Variants in MTPAP observed in about 807,000 individuals in gnomAD.
MTPAP encodes mitochondrial poly(A) polymerase, also known as poly(A) RNA polymerase, mitochondrial.
In MTPAP, 23 loss-of-function variants were observed where a neutral mutation model predicts 48.7. That is an observed-to-expected ratio of 0.47 (90% CI 0.34 to 0.67). The LOEUF (loss-of-function observed/expected upper bound fraction) is 0.67. MTPAP is among the 30% of genes least tolerant of loss of function. The pLI is 0.01. For synonymous variants in MTPAP, 257 were observed against 254.1 expected (o/e 1.01, Z -0.11); for missense variants, 614 against 694.3 (o/e 0.88, Z 1.30).
intron 1 of MTPAP, among the ~76,000 whole-genome samples, chr10:30,346,994 T>C (rs890638382): frequency 7.7e-4 from 117 of 152,316 alleles, no homozygotes; most frequent in Non-Finnish European, 1.5e-3. Context: ...ACTGACCACG[T>C]CAAACCAATT....
chr10:30,322,703 T>A, intron 5 of MTPAP, 86 bp from the exon 6 acceptor site: 1 of 881,608 alleles, frequency 1.1e-6, no homozygotes, highest in Non-Finnish European at 1.8e-6. Context: ...GAAACACATC[T>A]AAATATCCTA....
rs1357308017 is a variant in MTPAP at position 30,312,292 on chromosome 10, T to G, written c.*1317A>C. On this transcript the variant is annotated 3_prime_UTR_variant, in exon 9 of 9. Coordinates refer to ENST00000263063, the MANE Select transcript of MTPAP (RefSeq NM_018109.4). ...AACCAAACTTGGATTGAAAATACAG[T>G]ATTCTCGGCCAGGCATGGTGGCTCA... is the stretch of plus-strand genomic sequence containing the variant. 1 of 151,912 alleles carries G rather than the reference T, an allele frequency of 6.6e-6. No homozygotes were observed. The highest frequency in any genetic ancestry group is 6.6e-5 in the Admixed American group (1 of 15,264). 9.4% of individuals were successfully genotyped at this position (151,912 alleles called of 1,614,324 possible). A position where few individuals can be genotyped will look rare whatever the true frequency, so the allele number is the denominator to read the frequency against.
chr10:30,323,959 T>C (rs754224531), intron 5 of MTPAP, among the ~76,000 whole-genome samples: 10 of 152,180 alleles, frequency 6.6e-5, no homozygotes, highest in South Asian at 2.1e-4. Context: ...GGTGGGCAGA[T>C]AGCTTGAGCC....
Position 30,316,219 on chromosome 10 carries a change from C to T in MTPAP, c.1220-9G>A, listed in dbSNP as rs1213760811. ...ACATTTATCTTCTGCATCTTAAACA[C>T]AAACAAAAAATATTTCACGTGTTTT... is the stretch of plus-strand genomic sequence containing the variant. On this transcript the variant is annotated splice_polypyrimidine_tract_variant and intron_variant, in intron 6 of 8. Coordinates refer to ENST00000263063, the MANE Select transcript of MTPAP (RefSeq NM_018109.4). 4.4e-6 allele frequency: 7 copies of T among 1,587,922 alleles called. No individual in the cohort carries two copies. Among genetic ancestry groups the T allele is most frequent in the Non-Finnish European group, 6.0e-6 (7 of 1,166,544 alleles).
intron 3 of MTPAP, among the ~76,000 whole-genome samples, chr10:30,339,806 C>T (rs902071321): frequency 6.6e-6 from 1 of 152,084 alleles, no homozygotes; most frequent in Admixed American, 6.5e-5. Flanking sequence ...TTTGTAAATA[C>T]ACCTTGACTA....
intron 4 of MTPAP, among the ~76,000 whole-genome samples, chr10:30,336,597 A>T (rs1168219813): frequency 2.6e-5 from 4 of 152,236 alleles, no homozygotes; most frequent in African/African-American, 9.6e-5. Context: ...TTGCATATCT[A>T]CAGAATATTC....
At chr10:30,338,344 TAACTG>T (rs1660351876) in intron 3 of MTPAP, among the ~76,000 whole-genome samples, 1 of 151,522 alleles carries the variant, frequency 6.6e-6, no homozygotes, top group East Asian at 1.9e-4. Flanking sequence ...TAACGTAACA[TAACTG>T]AACTGAACTG....
At position 30,344,913 on chromosome 10, in the gene MTPAP, C is replaced by T. The variant is rs538134557; in HGVS notation, c.158-3273G>A. Reference sequence around the variant, plus strand: ...GAGAAGGAGTTTCACCATGTTGGTCCGGCTGCTCTTGAACTCCTGACCTCA... The same window carrying T: ...GAGAAGGAGTTTCACCATGTTGGTCTGGCTGCTCTTGAACTCCTGACCTCA... On this transcript the variant is annotated intron_variant, in intron 1 of 8. Transcript: ENST00000263063. 1.5e-3 allele frequency among the ~76,000 whole-genome samples: 229 copies of T among 152,158 alleles called. 3 individuals carry two copies. Among genetic ancestry groups the T allele is most frequent in the Admixed American group, 5.9e-4 (9 of 15,272 alleles).
chr10:30,333,530 T>G (rs1834695573), intron 4 of MTPAP, among the ~76,000 whole-genome samples: 1 of 152,196 alleles, frequency 6.6e-6, no homozygotes. Context: ...TCAGTTACAA[T>G]CCTTTATTTA....
Position 30,313,095 on chromosome 10 carries a change from A to T in MTPAP, c.*514T>A, listed in dbSNP as rs1420418016. 6.1e-6 allele frequency: 1 copy of T among 163,766 alleles called. No homozygotes were observed. The highest frequency in any genetic ancestry group is 2.4e-5 in the African/African-American group (1 of 41,538). The allele number at this position is 163,766 out of a possible 1,614,324, so 10.1% of individuals were successfully genotyped here. A position where few individuals can be genotyped will look rare whatever the true frequency, so the allele number is the denominator to read the frequency against. ...AGCTTAATGTATTCATTGCCAACGT[A>T]CTGTACATAACTAAAAGTCATTTTA... On this transcript the variant is annotated 3_prime_UTR_variant, in exon 9 of 9. Transcript: ENST00000263063.
chr10:30,314,744 T>C lies in MTPAP; in HGVS notation c.1387-773A>G, dbSNP rs141200530. 7.7e-3 allele frequency among the ~76,000 whole-genome samples: 1,164 copies of C among 151,900 alleles called. 12 individuals carry two copies. The highest frequency in any genetic ancestry group is 0.026 in the African/African-American group (1,081 of 41,464). On this transcript the variant is annotated intron_variant, in intron 8 of 8. Coordinates refer to ENST00000263063, the MANE Select transcript of MTPAP (RefSeq NM_018109.4). ...AAAACTAGCCAGGTGTTGTGGCGCA[T>C]GCCTGTAATCCCAGCTACTTAGGAG...
intron 4 of MTPAP, among the ~76,000 whole-genome samples, chr10:30,327,612 GA>G (rs1182743645): frequency 6.6e-6 from 1 of 151,648 alleles, no homozygotes. Context: ...TTGGGAGGCA[GA>G]AACAGGCAGA....
intron 1 of MTPAP, among the ~76,000 whole-genome samples, chr10:30,345,856 G>C (rs1476188337): frequency 6.6e-6 from 1 of 151,948 alleles, no homozygotes; most frequent in Non-Finnish European, 1.5e-5. Context: ...AAACCAGCCT[G>C]GCCAACATAG....
intron 6 of MTPAP, among the ~76,000 whole-genome samples, chr10:30,319,740 A>G (rs1840700329): frequency 2.0e-5 from 3 of 152,248 alleles, no homozygotes; most frequent in Admixed American, 1.3e-4. Context: ...TGGAAGGCAA[A>G]AAGTGTATTT....
chr10:30,344,019 A>C (rs1257200312), intron 1 of MTPAP, among the ~76,000 whole-genome samples: 1 of 151,878 alleles, frequency 6.6e-6, no homozygotes, highest in East Asian at 1.9e-4. Context: ...GCTATCCTCC[A>C]CATAACTGCC....
intron 5 of MTPAP, among the ~76,000 whole-genome samples, chr10:30,326,039 A>C (rs967602117): frequency 6.6e-6 from 1 of 152,134 alleles, no homozygotes; most frequent in Non-Finnish European, 1.5e-5. Flanking sequence ...GTATTCTTAG[A>C]AGGCTTGTAC....
In MTPAP at chr10:30,313,625, A is replaced by T; in HGVS notation, c.1733T>A (p.Ile578Asn). ...TAGCAGCCATCATGTCTGAGTACTA[A>T]TTGTTCTCTTCCCACTGGTTTTTGT... ...NFTKTSGKRT[I>N]STQT Residue 578 changes from isoleucine to asparagine, a missense_variant, in exon 9 of 9, where the codon ATT (isoleucine) becomes AAT (asparagine). By Grantham distance (149) the Ile-to-Asn change is moderately radical (BLOSUM62 -3). Around this residue, in one of 5 missense-constraint regions of MTPAP, gnomAD observed 109 missense variants for 100.5 expected, o/e 1.08. Coordinates refer to ENST00000263063, the MANE Select transcript of MTPAP (RefSeq NM_018109.4). 6.2e-7 allele frequency: 1 copy of T among 1,614,206 alleles called. No homozygotes were observed. The highest frequency in any genetic ancestry group is 8.5e-7 in the Non-Finnish European group (1 of 1,180,016).
intron 1 of MTPAP, 27 bp from the exon 2 acceptor site, chr10:30,341,667 CCA>C: frequency 1.6e-5 from 25 of 1,612,596 alleles, no homozygotes; most frequent in Non-Finnish European, 2.1e-5. Context: ...AACATTTCCA[CCA>C]CACGCACACA....
In MTPAP at chr10:30,323,525, T is replaced by C. The variant is rs550543357; in HGVS notation, c.993-908A>G. ...CTCAGAATATGTATGTATTTATTTA[T>C]TTGAGACGGAGTCTCGCTCTGTCGC... On this transcript the variant is annotated intron_variant, in intron 5 of 8. Transcript: ENST00000263063. Among the ~76,000 whole-genome samples the C allele has an allele frequency of 7.9e-5, 12 of 152,144 alleles. No individual in the cohort carries two copies. In the South Asian group the frequency reaches 1.7e-3, roughly 21 times the overall value.
Sources: gnomAD v4.1 joint callset for allele counts (sites outside exome capture counted in the v4.1 genomes callset) on GRCh38, gnomAD v4.1.1 for gene constraint, gnomAD v4.1.1 regional missense constraint, MANE v1.5 for transcripts, NCBI Gene and HGNC (gene_info 2026-07-23, HGNC 2026-07-21) for gene names.